The following MAPRE2 variants were observed in gnomAD, a reference collection of about 807,000 sequenced individuals.
MAPRE2 encodes the protein microtubule-associated protein RP/EB family member 2.
In MAPRE2, 13 loss-of-function variants were observed where a neutral mutation model predicts 43.2. The observed-to-expected ratio is 0.30, with a 90% CI of 0.20 to 0.48. The LOEUF (loss-of-function observed/expected upper bound fraction) is 0.48, where lower values mean the gene tolerates loss of function less well. Ranked by LOEUF, MAPRE2 falls within the 20% of genes least tolerant of loss-of-function variation. The probability of loss-of-function intolerance (pLI) is 0.99; values close to 1 mark genes in which losing one functional copy is unlikely to be tolerated. For synonymous variants in MAPRE2, 135 were observed against 148.8 expected (o/e 0.91, Z 0.68); for missense variants, 161 against 400.2 (o/e 0.40, Z 5.10).
chr18:35,140,484 C>A lies in MAPRE2; in HGVS notation c.*115C>A. On this transcript the variant is annotated 3_prime_UTR_variant, in exon 7 of 7. Transcript: ENST00000300249. ...ACCAGTTGTTCCCAATCTGCCGTTA[C>A]CATCAACGCACTGTTGCATATGCCA... is the stretch of plus-strand genomic sequence containing the variant. 1 of 1,014,468 alleles carries A rather than the reference C, an allele frequency of 9.9e-7. No individual in the cohort carries two copies. Among genetic ancestry groups the A allele is most frequent in the Non-Finnish European group, 1.5e-6 (1 of 684,176 alleles). 62.8% of individuals were successfully genotyped at this position (1,014,468 alleles called of 1,614,324 possible).
At chr18:35,101,214 C>T (rs987728219) in intron 3 of MAPRE2, among the ~76,000 whole-genome samples, 1 of 151,990 alleles carries the variant, frequency 6.6e-6, no homozygotes, top group Admixed American at 6.6e-5. Context: ...CTAAATATTC[C>T]AAGAAAATCA....
chr18:35,026,433 A>G (rs1388533728), intron 2 of MAPRE2, among the ~76,000 whole-genome samples: 1 of 152,220 alleles, frequency 6.6e-6, no homozygotes, highest in African/African-American at 2.4e-5. Flanking sequence ...GAGAGAATGC[A>G]GCGATGAATA....
rs550866285 is a variant in MAPRE2, at chr18:35,138,197, C to G, written c.910-2098C>G. Among the ~76,000 whole-genome samples, 7 of 152,186 alleles carry G rather than the reference C, an allele frequency of 4.6e-5. No individual in the cohort carries two copies. In the South Asian group the frequency reaches 1.5e-3, roughly 32 times the overall value. On this transcript the variant is annotated intron_variant, in intron 6 of 6. Transcript: ENST00000300249. ...GCTGTGATGCCCAGGGGTCTGGGGT[C>G]GATCCGGCAGAAGGGGAGTAAAGAG...
At chr18:35,026,605 A>G (rs2097045361) in intron 2 of MAPRE2, among the ~76,000 whole-genome samples, 1 of 152,028 alleles carries the variant, frequency 6.6e-6, no homozygotes, top group Admixed American at 6.6e-5. Flanking sequence ...TCACTACCAC[A>G]TGGGGTCAGG....
intron 2 of MAPRE2, among the ~76,000 whole-genome samples, chr18:35,030,216 A>G (rs575252293): frequency 1.3e-5 from 2 of 152,036 alleles, no homozygotes; most frequent in Non-Finnish European, 2.9e-5. Flanking sequence ...GCTATCCTGT[A>G]CAGCCTCCCA....
At chr18:35,026,446 G>T (rs1311109836) in intron 2 of MAPRE2, among the ~76,000 whole-genome samples, 1 of 152,120 alleles carries the variant, frequency 6.6e-6, no homozygotes, top group African/African-American at 2.4e-5. Context: ...GATGAATATG[G>T]ACACCACACC....
At chr18:35,004,609 A>C (rs1194559580) in intron 1 of MAPRE2, among the ~76,000 whole-genome samples, 1 of 152,244 alleles carries the variant, frequency 6.6e-6, no homozygotes. Flanking sequence ...GAAAATAAAT[A>C]GGTAATTCAT....
At chr18:35,040,549 C>T (rs2097053130), upstream of MAPRE2, among the ~76,000 whole-genome samples, 1 of 152,168 alleles carries the variant, frequency 6.6e-6, no homozygotes, top group South Asian at 2.1e-4. Flanking sequence ...TGTCACATAG[C>T]CAATATATTT....
At chr18:35,050,022 T>G (rs865938003) in intron 1 of MAPRE2, among the ~76,000 whole-genome samples, 1 of 152,244 alleles carries the variant, frequency 6.6e-6, no homozygotes, top group African/African-American at 2.4e-5. Context: ...TAAAAATATT[T>G]CAGTATGCTA....
chr18:35,120,046 T>C (rs1421419101), intron 4 of MAPRE2, among the ~76,000 whole-genome samples: 1 of 152,180 alleles, frequency 6.6e-6, no homozygotes, highest in South Asian at 2.1e-4. Flanking sequence ...TTGGTGCTGC[T>C]CCTCCTTTCT....
Position 35,111,952 on chromosome 18 carries a change from A to G in MAPRE2, c.610+9793A>G, listed in dbSNP as rs142085983. Among the ~76,000 whole-genome samples the G allele has an allele frequency of 1.4e-4, 21 of 152,308 alleles. No homozygotes were observed. In the East Asian group the frequency reaches 3.9e-3, roughly 28 times the overall value. Reference sequence around the variant, plus strand: ...TCTTACAATTTTCCAGTAGATGCCTACTTGATACTGCTATTTTACAGTCCC... The same window carrying G: ...TCTTACAATTTTCCAGTAGATGCCTGCTTGATACTGCTATTTTACAGTCCC... On this transcript the variant is annotated intron_variant, in intron 4 of 6. Transcript: ENST00000300249.
At chr18:35,013,662 TC>T (rs775134732) in intron 2 of MAPRE2, among the ~76,000 whole-genome samples, 1 of 152,126 alleles carries the variant, frequency 6.6e-6, no homozygotes, top group Non-Finnish European at 1.5e-5. Context: ...TCTCTCCCTA[TC>T]CTTTCCTTCC....
intron 1 of MAPRE2, among the ~76,000 whole-genome samples, chr18:35,053,402 TAAAATA>T (rs1416604020): frequency 6.7e-6 from 1 of 148,884 alleles, no homozygotes; most frequent in Non-Finnish European, 1.5e-5. Flanking sequence ...TCATAAAAAA[TAAAATA>T]AAAATAAAAA....
chr18:35,021,494 A>C (rs1465201928), intron 2 of MAPRE2, among the ~76,000 whole-genome samples: 1 of 152,192 alleles, frequency 6.6e-6, no homozygotes, highest in East Asian at 1.9e-4. Flanking sequence ...AGATGAAGTA[A>C]TTCAGAGAAT....
At chr18:34,989,843 A>G (rs1183658324) in intron 1 of MAPRE2, among the ~76,000 whole-genome samples, 1 of 152,062 alleles carries the variant, frequency 6.6e-6, no homozygotes, top group African/African-American at 2.4e-5. Context: ...CTTTAGGAGG[A>G]TCCCCCGGTA....
chr18:34,995,271 G>C (rs150787835), intron 1 of MAPRE2, among the ~76,000 whole-genome samples: 1 of 152,288 alleles, frequency 6.6e-6, no homozygotes, highest in East Asian at 1.9e-4. Flanking sequence ...AAGTAATGCA[G>C]TTTTTAAGTT....
At chr18:35,041,303 G>C, upstream of MAPRE2, 1 of 1,408,902 alleles carries the variant, frequency 7.1e-7, no homozygotes, top group Non-Finnish European at 9.2e-7. Context: ...TGAGTTAGCG[G>C]GTTGCCATGG....
At chr18:35,000,826 T>C (rs1453229080) in intron 1 of MAPRE2, among the ~76,000 whole-genome samples, 2 of 152,348 alleles carry the variant, frequency 1.3e-5, no homozygotes, top group African/African-American at 4.8e-5. Context: ...AGGGGGATTT[T>C]GCAAGTTCCT....
rs73949048 is a variant in MAPRE2 at position 35,021,252 on chromosome 18, T to G, written c.-8+15699T>G. 4.9e-3 allele frequency among the ~76,000 whole-genome samples: 739 copies of G among 152,276 alleles called. 5 individuals carry two copies. The highest frequency in any genetic ancestry group is 0.017 in the African/African-American group (711 of 41,566). On this transcript the variant is annotated intron_variant, in intron 2 of 7. Transcript: ENST00000413393. Reference sequence around the variant, plus strand: ...AATGTTGAACATGATGCAAGTATATTCTAGAAAAATTCGTGAGTTTTAAGA... The same window carrying G: ...AATGTTGAACATGATGCAAGTATATGCTAGAAAAATTCGTGAGTTTTAAGA...
Sources: allele counts gnomAD v4.1 joint callset (sites outside exome capture counted in the v4.1 genomes callset), GRCh38; gene constraint gnomAD v4.1.1; transcripts MANE v1.5; gene names NCBI Gene and HGNC (gene_info 2026-07-23, HGNC 2026-07-21).